Variants in ADK observed in about 807,000 individuals in gnomAD.
The protein encoded by ADK is adenosine kinase, also known as N6,N6-dimethyladenosine kinase.
ADK carries 24 observed loss-of-function variants against 44.7 expected under a neutral mutation model. The observed-to-expected ratio is 0.54, with a 90% CI of 0.39 to 0.76. The LOEUF (loss-of-function observed/expected upper bound fraction) is 0.76, where lower values mean the gene tolerates loss of function less well. ADK is among the 30% of genes least tolerant of loss of function. The pLI is 0.00. For missense variants in ADK, 321 were observed against 425.1 expected (o/e 0.76, Z 2.15); for synonymous variants, 128 against 142.6 (o/e 0.90, Z 0.73).
chr10:74,540,610 C>T (rs539939994), intron 7 of ADK, among the ~76,000 whole-genome samples: 1 of 152,012 alleles, frequency 6.6e-6, no homozygotes, highest in African/African-American at 2.4e-5. Context: ...CAGGAATGCG[C>T]CATCACACTC....
intron 3 of ADK, among the ~76,000 whole-genome samples, chr10:74,257,264 C>G (rs544759575): frequency 7.9e-5 from 12 of 152,212 alleles, no homozygotes; most frequent in African/African-American, 2.9e-4. Flanking sequence ...TCTCTGTATG[C>G]GCAAGTTTCG....
chr10:74,429,781 T>C (rs138195057), intron 6 of ADK, among the ~76,000 whole-genome samples: 19 of 152,316 alleles, frequency 1.2e-4, no homozygotes, highest in Admixed American at 9.1e-4. Context: ...CAAATTCATC[T>C]ATCAGGAGCT....
chr10:74,511,328 T>G (rs1162889983), intron 6 of ADK, among the ~76,000 whole-genome samples: 1 of 152,228 alleles, frequency 6.6e-6, no homozygotes, highest in East Asian at 1.9e-4. Context: ...TTACTCAGGA[T>G]TGCTTCAGCT....
chr10:74,226,764 A>G (rs1167282581), intron 3 of ADK, among the ~76,000 whole-genome samples: 3 of 152,024 alleles, frequency 2.0e-5, no homozygotes, highest in Non-Finnish European at 4.4e-5. Flanking sequence ...GTTGTTGCAT[A>G]TATCAGTTAA....
chr10:74,312,285 G>GCAGA (rs1444042104), intron 3 of ADK, among the ~76,000 whole-genome samples: 1 of 81,074 alleles, frequency 1.2e-5, no homozygotes, highest in Non-Finnish European at 3.5e-5. Context: ...AAGGACACTT[G>GCAGA]TAGATAGAGT....
intron 4 of ADK, among the ~76,000 whole-genome samples, chr10:74,322,212 A>T (rs1017073282): frequency 6.6e-6 from 1 of 152,224 alleles, no homozygotes; most frequent in Admixed American, 6.5e-5. Flanking sequence ...ATGTAAATTT[A>T]AAAAGAAGAA....
intron 4 of ADK, among the ~76,000 whole-genome samples, chr10:74,372,657 G>A (rs1403117026): frequency 1.3e-5 from 2 of 152,044 alleles, no homozygotes; most frequent in Non-Finnish European, 2.9e-5. Flanking sequence ...CAACAGAAGT[G>A]TGGAACTTAT....
At chr10:74,347,822 C>T (rs1841829899) in intron 4 of ADK, among the ~76,000 whole-genome samples, 1 of 152,160 alleles carries the variant, frequency 6.6e-6, no homozygotes, top group African/African-American at 2.4e-5. Context: ...AGGTGGAATT[C>T]ACCACAGTGC....
intron 4 of ADK, among the ~76,000 whole-genome samples, chr10:74,384,150 T>G (rs1471432042): frequency 6.6e-6 from 1 of 152,224 alleles, no homozygotes; most frequent in African/African-American, 2.4e-5. Context: ...GTAAGCTTTA[T>G]GTACCCTTAA....
chr10:74,404,178 T>C (rs1479711467), intron 6 of ADK, among the ~76,000 whole-genome samples: 1 of 20,120 alleles, frequency 5.0e-5, no homozygotes, highest in Non-Finnish European at 2.4e-4. Flanking sequence ...AGCCTAATTG[T>C]TTTTTTTTTT....
intron 4 of ADK, among the ~76,000 whole-genome samples, chr10:74,348,812 A>G (rs1438756533): frequency 6.6e-6 from 1 of 151,730 alleles, no homozygotes; most frequent in African/African-American, 2.4e-5. Context: ...AAAGGCTATC[A>G]CAGATTGAAT....
chr10:74,665,577 A>T (rs1335985323), intron 9 of ADK, among the ~76,000 whole-genome samples: 2 of 151,986 alleles, frequency 1.3e-5, no homozygotes, highest in Non-Finnish European at 2.9e-5. Context: ...TACAAAAAAA[A>T]TTTAAAAATT....
intron 1 of ADK, among the ~76,000 whole-genome samples, chr10:74,173,790 G>A (rs895561425): frequency 3.9e-5 from 6 of 152,278 alleles, no homozygotes; most frequent in African/African-American, 1.4e-4. Context: ...TGTTAAGCAT[G>A]AGCAAAAGTG....
intron 4 of ADK, among the ~76,000 whole-genome samples, chr10:74,348,020 G>T (rs569558880): frequency 6.6e-6 from 1 of 152,304 alleles, no homozygotes; most frequent in African/African-American, 2.4e-5. Flanking sequence ...CTGCCTGGTG[G>T]CTCTGAAGAG....
intron 10 of ADK, among the ~76,000 whole-genome samples, chr10:74,681,797 C>T (rs1176859703): frequency 6.6e-6 from 1 of 150,866 alleles, no homozygotes; most frequent in Admixed American, 6.6e-5. Flanking sequence ...TTGCAGTAAC[C>T]CAAGATCACG....
chr10:74,441,940 A>G (rs541870181), intron 6 of ADK, among the ~76,000 whole-genome samples: 1 of 152,294 alleles, frequency 6.6e-6, no homozygotes, highest in South Asian at 2.1e-4. Context: ...ACCCAGGTAT[A>G]TGAAAACATG....
At chr10:74,522,265 A>T (rs1247596862) in intron 6 of ADK, among the ~76,000 whole-genome samples, 2 of 152,150 alleles carry the variant, frequency 1.3e-5, no homozygotes, top group Non-Finnish European at 2.9e-5. Flanking sequence ...ATGGTAATAA[A>T]CCTAGGGTTG....
chr10:74,429,356 CAT>C, intron 6 of ADK, among the ~76,000 whole-genome samples: 1 of 152,280 alleles, frequency 6.6e-6, no homozygotes, highest in African/African-American at 2.4e-5. Context: ...AGATTCAACA[CAT>C]GATAGTAGTT....
intron 6 of ADK, among the ~76,000 whole-genome samples, chr10:74,503,614 G>A (rs1847951282): frequency 6.6e-6 from 1 of 152,052 alleles, no homozygotes; most frequent in Admixed American, 6.6e-5. Flanking sequence ...AAAATTGATA[G>A]GACCTTAGAC....
Sources: allele counts gnomAD v4.1 joint callset (sites outside exome capture counted in the v4.1 genomes callset), GRCh38; gene constraint gnomAD v4.1.1; transcripts MANE v1.5; gene names NCBI Gene and HGNC (gene_info 2026-07-23, HGNC 2026-07-21).